The following SYNDIG1 variants were observed in gnomAD, a reference collection of about 807,000 sequenced individuals.
SYNDIG1 encodes the protein synapse differentiation inducing 1.
In SYNDIG1, 9 loss-of-function variants were observed where a neutral mutation model predicts 19.4. The ratio of observed to expected loss-of-function variants is 0.46; its 90% CI spans 0.28 to 0.81. The LOEUF is 0.81. Among genes scored for constraint, SYNDIG1 ranks in the 30% least tolerant of loss-of-function variants. The pLI, the probability that SYNDIG1 is intolerant of heterozygous loss-of-function variation, is 0.12. For synonymous variants in SYNDIG1, 141 were observed against 145.9 expected, an observed-to-expected ratio of 0.97 and a Z score of 0.24; for missense variants, 311 against 343.3, an observed-to-expected ratio of 0.91 and a Z score of 0.74.
intron 3 of SYNDIG1, among the ~76,000 whole-genome samples, chr20:24,639,340 C>T (rs902045909): frequency 6.6e-6 from 1 of 152,200 alleles, no homozygotes; most frequent in Non-Finnish European, 1.5e-5. Context: ...ATGATGAAGG[C>T]TTATCAGCCT....
At chr20:24,624,784 G>A (rs998873042) in intron 3 of SYNDIG1, among the ~76,000 whole-genome samples, 2 of 152,064 alleles carry the variant, frequency 1.3e-5, no homozygotes, top group Admixed American at 6.6e-5. Flanking sequence ...CACAATATAG[G>A]CCATATTCTG....
At chr20:24,501,355 C>T (rs557563071) in intron 1 of SYNDIG1, among the ~76,000 whole-genome samples, 8 of 152,292 alleles carry the variant, frequency 5.3e-5, no homozygotes, top group South Asian at 2.1e-4. Context: ...CGGATGACAG[C>T]GAAGATAGCA....
At chr20:24,600,224 G>A (rs1168889202) in intron 3 of SYNDIG1, among the ~76,000 whole-genome samples, 1 of 152,178 alleles carries the variant, frequency 6.6e-6, no homozygotes, top group Non-Finnish European at 1.5e-5. Context: ...CCATCTGTAG[G>A]CAATGGGTGG....
rs142472997 is a variant in SYNDIG1, at chr20:24,651,963, C to T, written c.619-13383C>T. 3.3e-4 allele frequency among the ~76,000 whole-genome samples: 50 copies of T among 152,334 alleles called. No individual in the cohort carries two copies. The East Asian group carries it at 9.5e-3, about 29-fold the overall frequency. On this transcript the variant is annotated intron_variant, in intron 3 of 3. Coordinates refer to ENST00000376862, the MANE Select transcript of SYNDIG1 (RefSeq NM_024893.3). ...GGCAGTCCAGACACCAGTGACCCCA[C>T]ATCAGGTGACCCTGTTAATGCCATA...
chr20:24,663,308 C>T (rs547727739), intron 3 of SYNDIG1, among the ~76,000 whole-genome samples: 19 of 152,252 alleles, frequency 1.2e-4, no homozygotes, highest in South Asian at 4.1e-4. Flanking sequence ...ACATATAAAC[C>T]GGCGTATCAA....
intron 3 of SYNDIG1, among the ~76,000 whole-genome samples, chr20:24,654,650 G>GAGGAAGGAAGGA (rs572001347): frequency 0.08 from 9,420 of 117,340 alleles, 492 homozygotes; most frequent in East Asian, 0.12. Context: ...GGGAGGGAGG[G>GAGGAAGGAAGGA]AGGAAGGAAG....
intron 2 of SYNDIG1, among the ~76,000 whole-genome samples, chr20:24,547,931 C>T (rs1170606821): frequency 1.3e-5 from 2 of 152,192 alleles, no homozygotes; most frequent in Admixed American, 6.5e-5. Context: ...TTACCTGTGG[C>T]AATGCAAAAC....
intron 3 of SYNDIG1, among the ~76,000 whole-genome samples, chr20:24,642,462 GT>G (rs2059387944): frequency 6.6e-6 from 1 of 152,166 alleles, no homozygotes; most frequent in Admixed American, 6.5e-5. Flanking sequence ...GAAGGGTAGG[GT>G]GGAAAATACT....
chr20:24,542,699 G>GTTTA (rs10627334), intron 1 of SYNDIG1, among the ~76,000 whole-genome samples: 14,032 of 152,192 alleles, frequency 0.092, 761 homozygotes, highest in African/African-American at 0.13. Flanking sequence ...ATGCGATTGG[G>GTTTA]TTTACCTGTG....
At chr20:24,599,190 A>T (rs2058641272) in intron 3 of SYNDIG1, among the ~76,000 whole-genome samples, 1 of 152,226 alleles carries the variant, frequency 6.6e-6, no homozygotes, top group Non-Finnish European at 1.5e-5. Context: ...ATTTGTATAG[A>T]TTTCTCAAAA....
intron 1 of SYNDIG1, among the ~76,000 whole-genome samples, 155 bp from the exon 2 acceptor site, chr20:24,542,865 A>G (rs1385741399): frequency 6.6e-6 from 1 of 152,214 alleles, no homozygotes; most frequent in Non-Finnish European, 1.5e-5. Flanking sequence ...CCTTTTTAAC[A>G]TTCACTGAAT....
chr20:24,550,422 G>A (rs896360655), intron 2 of SYNDIG1, among the ~76,000 whole-genome samples: 3 of 151,970 alleles, frequency 2.0e-5, no homozygotes, highest in South Asian at 4.1e-4. Context: ...TGTTCAATTC[G>A]TCAGGTACTA....
chr20:24,629,009 A>G (rs1883924), intron 3 of SYNDIG1, among the ~76,000 whole-genome samples: 91,936 of 152,160 alleles, frequency 0.6, 27,965 homozygotes, highest in Admixed American at 0.66. Context: ...CATGAGAAAG[A>G]CAGCCACAGC....
intron 3 of SYNDIG1, among the ~76,000 whole-genome samples, chr20:24,624,037 C>T (rs569069068): frequency 6.6e-5 from 10 of 151,964 alleles, no homozygotes; most frequent in Non-Finnish European, 8.8e-5. Context: ...CCAAGGCCGA[C>T]GAATCACGAA....
intron 1 of SYNDIG1, among the ~76,000 whole-genome samples, chr20:24,471,735 C>T (rs1212084536): frequency 6.6e-6 from 1 of 152,126 alleles, no homozygotes; most frequent in Non-Finnish European, 1.5e-5. Flanking sequence ...CACCCAGTCA[C>T]CACCTGCAGT....
chr20:24,649,931 T>G (rs1235812547), intron 3 of SYNDIG1, among the ~76,000 whole-genome samples: 3 of 152,152 alleles, frequency 2.0e-5, no homozygotes, highest in Non-Finnish European at 4.4e-5. Flanking sequence ...TAAAACTAAT[T>G]CAAATGCAGG....
chr20:24,547,315 A>G (rs2057599096), intron 2 of SYNDIG1, among the ~76,000 whole-genome samples: 2 of 152,234 alleles, frequency 1.3e-5, no homozygotes, highest in Non-Finnish European at 2.9e-5. Context: ...CCTGTCTGAC[A>G]TATGTTTGCA....
chr20:24,653,345 G>A (rs1401693642), intron 3 of SYNDIG1, among the ~76,000 whole-genome samples: 1 of 152,042 alleles, frequency 6.6e-6, no homozygotes, highest in African/African-American at 2.4e-5. Context: ...AGGGCTGGGA[G>A]CTCCAGGTGT....
At chr20:24,561,323 G>A (rs2057941639) in intron 2 of SYNDIG1, among the ~76,000 whole-genome samples, 1 of 152,144 alleles carries the variant, frequency 6.6e-6, no homozygotes, top group Admixed American at 6.5e-5. Flanking sequence ...TCATTTCCAG[G>A]AGCTCCCCGT....
Sources: gnomAD v4.1 joint callset for allele counts (sites outside exome capture counted in the v4.1 genomes callset) on GRCh38, gnomAD v4.1.1 for gene constraint, MANE v1.5 for transcripts, NCBI Gene and HGNC (gene_info 2026-07-23, HGNC 2026-07-21) for gene names.